FAM81B: variants seen among roughly 807,000 people sequenced by gnomAD.
FAM81B encodes family with sequence similarity 81 member B.
Under a neutral mutation model 58.7 loss-of-function variants are expected in FAM81B, and 60 were observed. The ratio of observed to expected loss-of-function variants is 1.02; its 90% CI spans 0.83 to 1.27. FAM81B has a LOEUF of 1.27. FAM81B is among the 50% of genes most tolerant of loss of function. The probability of loss-of-function intolerance (pLI) is 0.00; values close to 1 mark genes in which losing one functional copy is unlikely to be tolerated. For missense variants in FAM81B, 491 were observed against 522.0 expected (o/e 0.94, Z 0.58); for synonymous variants, 189 against 179.6 (o/e 1.05, Z -0.42).
intron 3 of FAM81B, among the ~76,000 whole-genome samples, chr5:95,406,534 C>T (rs1762250408): frequency 3.9e-5 from 6 of 152,136 alleles, no homozygotes; most frequent in Admixed American, 3.9e-4. Context: ...TGGGCATGAC[C>T]TTGACAAGGC....
chr5:95,410,883 C>T (rs1762387998), intron 3 of FAM81B: 1 of 152,120 alleles, frequency 6.6e-6, no homozygotes, highest in Non-Finnish European at 1.5e-5. Context: ...ATAAATAGTT[C>T]TGAGACATTG....
Position 95,428,644 on chromosome 5 carries a change from T to C in FAM81B, c.698T>C (p.Leu233Ser), listed in dbSNP as rs768064943. Residue 233 changes from leucine to serine, a missense_variant, in exon 6 of 10, where the codon TTA becomes TCA. Leu to Ser is a moderately radical substitution (Grantham distance 145). Transcript: ENST00000283357. ...SIVKLSGDIHLFRQEHRQIEK... is the reference protein window; with the variant it reads ...SIVKLSGDIHSFRQEHRQIEK... ...GTGAAGCTTTCTGGAGACATTCACT[T>C]ATTCAGGCAAGAGCACCGGCAAATT... 1.9e-6 allele frequency: 3 copies of C among 1,614,024 alleles called. No homozygotes were observed. Among genetic ancestry groups the C allele is most frequent in the Non-Finnish European group, 1.7e-6 (2 of 1,179,868 alleles).
Position 95,420,310 on chromosome 5 carries a change from A to C in FAM81B, c.564A>C (p.Arg188=). The change falls in exon 5 of 10, where the codon CGA becomes CGC. Residue 188 remains arginine, a synonymous_variant. Transcript: ENST00000283357. ...IEILEDQIRA[R]DQAATGTNFA... ...TTTTAGAAGACCAAATAAGAGCTCG[A>C]GATCAGGCGGCCACAGGAACTAACT... 1.2e-6 allele frequency: 2 copies of C among 1,613,872 alleles called. No individual in the cohort carries two copies. Among genetic ancestry groups the C allele is most frequent in the African/African-American group, 1.3e-5 (1 of 75,060 alleles).
intron 6 of FAM81B, among the ~76,000 whole-genome samples, chr5:95,430,542 T>C (rs149161096): frequency 1.1e-3 from 161 of 152,162 alleles, no homozygotes; most frequent in African/African-American, 3.7e-3. Context: ...TTGTATGTAA[T>C]AGTTCAGTTA....
At chr5:95,433,717 C>G (rs1744997581) in intron 6 of FAM81B, among the ~76,000 whole-genome samples, 1 of 152,152 alleles carries the variant, frequency 6.6e-6, no homozygotes, top group African/African-American at 2.4e-5. Flanking sequence ...AAAGTTCAAT[C>G]AGTACTTATA....
At chr5:95,402,956 C>T (rs1306248345) in intron 3 of FAM81B, among the ~76,000 whole-genome samples, 1 of 152,154 alleles carries the variant, frequency 6.6e-6, no homozygotes, top group Non-Finnish European at 1.5e-5. Context: ...TGTGTTCTAC[C>T]CTCAGTCTAC....
At chr5:95,401,764 A>C (rs984279683) in intron 3 of FAM81B, among the ~76,000 whole-genome samples, 10 of 152,232 alleles carry the variant, frequency 6.6e-5, no homozygotes, top group African/African-American at 2.4e-4. Flanking sequence ...GAATCTCCCC[A>C]GTAAATTTAG....
Position 95,450,207 on chromosome 5 carries a change from G to GGA in FAM81B, c.1285_1286dup (p.Asp429GlufsTer3). 1 of 1,612,972 alleles carries GGA rather than the reference G, an allele frequency of 6.2e-7. No homozygotes were observed. Among genetic ancestry groups the GGA allele is most frequent in the Non-Finnish European group, 8.5e-7 (1 of 1,179,526 alleles). On this transcript the variant is annotated frameshift_variant, in exon 10 of 10. Transcript: ENST00000283357. LOFTEE classifies it high-confidence loss of function. ...TCCAACAAATACAGAAAACAAAGAT[G>GGA]GATTTAGAGAAATATAAAGTACAGA...
At chr5:95,423,072 C>A (rs1340290456) in intron 5 of FAM81B, among the ~76,000 whole-genome samples, 1 of 152,194 alleles carries the variant, frequency 6.6e-6, no homozygotes, top group Non-Finnish European at 1.5e-5. Flanking sequence ...GACTAATGTA[C>A]AAGCTAAGGC....
At chr5:95,449,002 T>C (rs1220161717) in intron 9 of FAM81B, among the ~76,000 whole-genome samples, 1 of 152,162 alleles carries the variant, frequency 6.6e-6, no homozygotes, top group Non-Finnish European at 1.5e-5. Context: ...GAGGATTAAT[T>C]TGAAAGGCTC....
intron 7 of FAM81B, among the ~76,000 whole-genome samples, chr5:95,444,181 T>A (rs1385349155): frequency 6.6e-6 from 1 of 152,210 alleles, no homozygotes; most frequent in Non-Finnish European, 1.5e-5. Flanking sequence ...AGATACTTAA[T>A]GAGAAAGAAT....
chr5:95,395,215 G>T (rs1306101280), intron 2 of FAM81B, among the ~76,000 whole-genome samples: 1 of 151,928 alleles, frequency 6.6e-6, no homozygotes, highest in African/African-American at 2.4e-5. Flanking sequence ...TGAGGCAGGC[G>T]GATCACAAGG....
chr5:95,442,261 A>G (rs1011341537), intron 7 of FAM81B, among the ~76,000 whole-genome samples: 7 of 152,236 alleles, frequency 4.6e-5, no homozygotes, highest in Non-Finnish European at 8.8e-5. Flanking sequence ...AAGAAACAAC[A>G]TAAGTGAAAA....
chr5:95,417,564 T>C (rs1264417515), intron 4 of FAM81B, among the ~76,000 whole-genome samples: 3 of 152,250 alleles, frequency 2.0e-5, no homozygotes, highest in African/African-American at 4.8e-5. Context: ...AATTTATCTT[T>C]TGAGTTTTAG....
chr5:95,441,358 C>G (rs972437756), intron 7 of FAM81B, among the ~76,000 whole-genome samples: 3 of 152,088 alleles, frequency 2.0e-5, no homozygotes, highest in Admixed American at 1.3e-4. Context: ...ATCACGAGAT[C>G]AAGAGATGGA....
chr5:95,446,812 C>CTT (rs200792409), intron 8 of FAM81B, 115 bp downstream of exon 8: 1,981 of 1,112,428 alleles, frequency 1.8e-3, no homozygotes, highest in African/African-American at 4.9e-3. Context: ...GCTTCAGTAA[C>CTT]TTTTTTTTTT....
intron 3 of FAM81B, among the ~76,000 whole-genome samples, chr5:95,412,129 GGCAATGAA>G (rs1468472678): frequency 6.7e-6 from 1 of 149,198 alleles, no homozygotes; most frequent in Non-Finnish European, 1.5e-5. Flanking sequence ...AGTCTTGCAT[GGCAATGAA>G]TTGCTGCTTT....
intron 3 of FAM81B, 75 bp from the exon 4 acceptor site, chr5:95,413,872 T>G: frequency 2.6e-6 from 4 of 1,527,640 alleles, no homozygotes; most frequent in Non-Finnish European, 3.5e-6. Flanking sequence ...GAAGTGAGGA[T>G]TCTAGTTCTG....
chr5:95,400,322 T>C (rs1762072758), intron 3 of FAM81B, among the ~76,000 whole-genome samples: 1 of 152,118 alleles, frequency 6.6e-6, no homozygotes, highest in African/African-American at 2.4e-5. Flanking sequence ...ACTCCTTGGC[T>C]TGTAGATGTG....
Sources: gnomAD v4.1 joint callset for allele counts (sites outside exome capture counted in the v4.1 genomes callset) on GRCh38, gnomAD v4.1.1 for gene constraint, MANE v1.5 for transcripts, NCBI Gene and HGNC (gene_info 2026-07-23, HGNC 2026-07-21) for gene names.